The following CNTNAP2 variants were observed in gnomAD, a reference collection of about 807,000 sequenced individuals.
The protein encoded by CNTNAP2 is contactin associated protein 2.
A neutral mutation model predicts 155.2 loss-of-function variants in CNTNAP2; 98 were observed. The ratio of observed to expected loss-of-function variants is 0.63; its 90% CI spans 0.54 to 0.75. CNTNAP2 has a LOEUF of 0.75. CNTNAP2 is among the 30% of genes least tolerant of loss of function. The pLI, the probability that CNTNAP2 is intolerant of heterozygous loss-of-function variation, is 0.00. For synonymous variants in CNTNAP2, 651 were observed against 631.2 expected, an observed-to-expected ratio of 1.03 and a Z score of -0.47; for missense variants, 1,727 against 1,688.1, an observed-to-expected ratio of 1.02 and a Z score of -0.40.
At chr7:146,563,030 T>A (rs1275272943) in intron 1 of CNTNAP2, among the ~76,000 whole-genome samples, 3 of 152,186 alleles carry the variant, frequency 2.0e-5, no homozygotes, top group African/African-American at 7.2e-5. Flanking sequence ...TTTAGAGAAA[T>A]CAACTTGTCC....
chr7:147,391,968 C>T (rs1796725996), intron 9 of CNTNAP2, among the ~76,000 whole-genome samples: 1 of 152,160 alleles, frequency 6.6e-6, no homozygotes, highest in Middle Eastern at 3.4e-3. Flanking sequence ...TTTTTCTCTC[C>T]CATTTTCTTT....
intron 11 of CNTNAP2, among the ~76,000 whole-genome samples, chr7:147,493,375 C>T (rs1018246429): frequency 6.6e-6 from 1 of 152,154 alleles, no homozygotes; most frequent in East Asian, 1.9e-4. Context: ...AATTTACTTT[C>T]CATCCCATTC....
chr7:146,926,884 C>G (rs1288665260), intron 3 of CNTNAP2, among the ~76,000 whole-genome samples: 1 of 152,066 alleles, frequency 6.6e-6, no homozygotes, highest in Non-Finnish European at 1.5e-5. Context: ...CATTTTAGAG[C>G]TTCTATTGCT....
At chr7:147,438,844 A>AT (rs1584948646) in intron 10 of CNTNAP2, among the ~76,000 whole-genome samples, 1 of 151,652 alleles carries the variant, frequency 6.6e-6, no homozygotes. Flanking sequence ...GAATTTGTCC[A>AT]TTTTTTTCCC....
intron 1 of CNTNAP2, among the ~76,000 whole-genome samples, chr7:146,468,033 A>G (rs181430218): frequency 2.4e-4 from 37 of 152,336 alleles, no homozygotes; most frequent in Admixed American, 1.3e-3. Flanking sequence ...CAGGTAAAAG[A>G]AAAAAGGTAA....
intron 6 of CNTNAP2, among the ~76,000 whole-genome samples, chr7:147,124,152 C>T (rs1163870234): frequency 6.6e-6 from 1 of 152,166 alleles, no homozygotes; most frequent in Non-Finnish European, 1.5e-5. Context: ...ATACTCAAAC[C>T]TCACAGACTG....
chr7:147,131,072 A>G (rs957964322), intron 7 of CNTNAP2, among the ~76,000 whole-genome samples: 4 of 138,666 alleles, frequency 2.9e-5, no homozygotes, highest in African/African-American at 1.3e-4. Flanking sequence ...ATATGTGTGT[A>G]TATATATGTA....
chr7:146,687,155 C>T (rs538544469), intron 1 of CNTNAP2, among the ~76,000 whole-genome samples: 1 of 152,230 alleles, frequency 6.6e-6, no homozygotes, highest in South Asian at 2.1e-4. Flanking sequence ...TTCAGTATGT[C>T]TCATGCCTAG....
At chr7:148,054,881 C>CT (rs372468541) in intron 15 of CNTNAP2, among the ~76,000 whole-genome samples, 29,902 of 136,810 alleles carry the variant, frequency 0.22, 3,468 homozygotes, top group Middle Eastern at 0.34. Context: ...TAATAGGAAT[C>CT]TTTTTTTTTT....
At chr7:147,275,296 G>A (rs1483519758) in intron 8 of CNTNAP2, among the ~76,000 whole-genome samples, 2 of 151,938 alleles carry the variant, frequency 1.3e-5, no homozygotes, top group Non-Finnish European at 2.9e-5. Context: ...CCATGAGCAT[G>A]GGATGTTTTT....
At chr7:146,545,256 T>G (rs1043128154) in intron 1 of CNTNAP2, among the ~76,000 whole-genome samples, 1 of 151,860 alleles carries the variant, frequency 6.6e-6, no homozygotes, top group African/African-American at 2.4e-5. Flanking sequence ...TGGAGAAGTG[T>G]AGGATGACAG....
At chr7:146,979,879 A>G (rs1405536940) in intron 3 of CNTNAP2, among the ~76,000 whole-genome samples, 1 of 152,218 alleles carries the variant, frequency 6.6e-6, no homozygotes, top group Non-Finnish European at 1.5e-5. Context: ...TGAAGGTATA[A>G]TATTTTCACA....
At chr7:147,677,360 C>G (rs1795885676) in intron 13 of CNTNAP2, among the ~76,000 whole-genome samples, 1 of 151,506 alleles carries the variant, frequency 6.6e-6, no homozygotes, top group Admixed American at 6.6e-5. Flanking sequence ...ATTTGTTATT[C>G]TTTGTTTGTT....
chr7:146,605,910 T>C (rs13246262), intron 1 of CNTNAP2, among the ~76,000 whole-genome samples: 5,891 of 152,212 alleles, frequency 0.039, 179 homozygotes, highest in Non-Finnish European at 0.063. Context: ...AGTATAGTGC[T>C]CAACATTTAT....
chr7:147,353,197 G>A (rs779665841), intron 9 of CNTNAP2, among the ~76,000 whole-genome samples: 54 of 151,060 alleles, frequency 3.6e-4, no homozygotes, highest in Admixed American at 2.8e-3. Flanking sequence ...TGTTCAGAAC[G>A]TGCAGTTTTG....
intron 3 of CNTNAP2, among the ~76,000 whole-genome samples, chr7:147,024,689 G>T (rs2129247832): frequency 6.6e-6 from 1 of 152,088 alleles, no homozygotes; most frequent in African/African-American, 2.4e-5. Flanking sequence ...TGATTTTTTT[G>T]GTCTCAAAAT....
At chr7:146,950,359 A>G (rs568634506) in intron 3 of CNTNAP2, among the ~76,000 whole-genome samples, 23 of 152,092 alleles carry the variant, frequency 1.5e-4, no homozygotes, top group African/African-American at 5.3e-4. Context: ...GGTTTGTTAC[A>G]TAGGTATACA....
intron 1 of CNTNAP2, among the ~76,000 whole-genome samples, chr7:146,340,833 G>T (rs938094209): frequency 1.3e-5 from 2 of 152,068 alleles, no homozygotes; most frequent in African/African-American, 2.4e-5. Flanking sequence ...TTAATTCTGT[G>T]CTTTAATGTT....
intron 11 of CNTNAP2, among the ~76,000 whole-genome samples, chr7:147,512,000 C>T (rs1010323571): frequency 6.6e-6 from 1 of 152,090 alleles, no homozygotes; most frequent in African/African-American, 2.4e-5. Context: ...CATGTAATTA[C>T]CTTGACCAAA....
Sources: allele counts gnomAD v4.1 joint callset (sites outside exome capture counted in the v4.1 genomes callset), GRCh38; gene constraint gnomAD v4.1.1; transcripts MANE v1.5; gene names NCBI Gene and HGNC (gene_info 2026-07-23, HGNC 2026-07-21).